CADPS: variants seen among roughly 807,000 people sequenced by gnomAD.
CADPS encodes calcium-dependent secretion activator 1.
CADPS carries 57 observed loss-of-function variants against 167.3 expected under a neutral mutation model. The observed-to-expected ratio is 0.34, with a 90% confidence interval of 0.28 to 0.42. The LOEUF (loss-of-function observed/expected upper bound fraction) is 0.42, where lower values mean the gene tolerates loss of function less well. Among genes scored for constraint, CADPS ranks in the 20% least tolerant of loss-of-function variants. The probability of loss-of-function intolerance (pLI) is 1.00; values close to 1 mark genes in which losing one functional copy is unlikely to be tolerated. For missense variants in CADPS, 1,414 were observed against 1,738.1 expected (o/e 0.81, Z 3.32); for synonymous variants, 676 against 635.3 (o/e 1.06, Z -0.96).
At chr3:62,530,414 G>C (rs2073378656) in intron 13 of CADPS, among the ~76,000 whole-genome samples, 1 of 152,126 alleles carries the variant, frequency 6.6e-6, no homozygotes, top group Admixed American at 6.5e-5. Context: ...TGCTCAATTA[G>C]TCTTTTCAAT....
rs1390300938 is a variant in CADPS at position 62,710,201 on chromosome 3, T to C, written c.888+43240A>G. Among the ~76,000 whole-genome samples, 7 of 152,112 alleles carry C rather than the reference T, an allele frequency of 4.6e-5. No homozygotes were observed. The East Asian group carries it at 1.3e-3, about 29-fold the overall frequency. ...TAGCACTGAAATCTCCGTGAACTTGTTGACTGAGTGAATGATTCCATCTCA... is the reference window on the plus strand; with the variant it reads ...TAGCACTGAAATCTCCGTGAACTTGCTGACTGAGTGAATGATTCCATCTCA... On this transcript the variant is annotated intron_variant, in intron 3 of 29. Coordinates refer to ENST00000383710, the MANE Select transcript of CADPS (RefSeq NM_003716.4).
intron 28 of CADPS, among the ~76,000 whole-genome samples, chr3:62,419,055 T>G (rs755969877): frequency 1.3e-5 from 2 of 152,192 alleles, no homozygotes; most frequent in Non-Finnish European, 2.9e-5. Flanking sequence ...AAAATTTTTG[T>G]AGCAAACATC....
rs1056608257 is a variant in CADPS, at chr3:62,465,549, C to T, written c.3553-99G>A. On this transcript the variant is annotated intron_variant, in intron 25 of 29. Coordinates refer to ENST00000383710, the MANE Select transcript of CADPS (RefSeq NM_003716.4). The surrounding 1 kb of genome is among the most constrained non-coding windows in gnomAD (Gnocchi z 4.1). ...CACCACATAAAGGCTGGGATCGAGCCCTCCGTTCATTTCTGCAGTCTATTA... is the reference window on the plus strand; with the variant it reads ...CACCACATAAAGGCTGGGATCGAGCTCTCCGTTCATTTCTGCAGTCTATTA... 4 of 748,192 alleles carry T rather than the reference C, an allele frequency of 5.3e-6. No individual in the cohort carries two copies. The highest frequency in any genetic ancestry group is 6.5e-6 in the Non-Finnish European group (3 of 459,726). The allele number at this position is 748,192 out of a possible 1,614,324, so 46.3% of individuals were successfully genotyped here.
intron 28 of CADPS, among the ~76,000 whole-genome samples, chr3:62,408,966 T>C (rs758383364): frequency 6.6e-6 from 1 of 152,250 alleles, no homozygotes; most frequent in Non-Finnish European, 1.5e-5. Context: ...TACACCCATA[T>C]GCACTCACGT....
chr3:62,856,307 T>C (rs1283582117), intron 1 of CADPS, among the ~76,000 whole-genome samples: 1 of 152,170 alleles, frequency 6.6e-6, no homozygotes, highest in African/African-American at 2.4e-5. Context: ...AGGCCATGTA[T>C]GTTGAAAACT....
intron 9 of CADPS, among the ~76,000 whole-genome samples, chr3:62,559,581 G>A (rs947175472): frequency 6.6e-6 from 1 of 151,862 alleles, no homozygotes; most frequent in Non-Finnish European, 1.5e-5. Context: ...GGCAACCTCC[G>A]CTTCCTGGGT....
intron 9 of CADPS, among the ~76,000 whole-genome samples, chr3:62,562,752 TGG>T (rs1288358420): frequency 6.6e-6 from 1 of 152,196 alleles, no homozygotes; most frequent in Non-Finnish European, 1.5e-5. Context: ...GTGGTTTGTG[TGG>T]GAGTAACTGC....
intron 17 of CADPS, 76 bp downstream of exon 17, chr3:62,512,675 C>A: frequency 1.8e-6 from 2 of 1,126,154 alleles, no homozygotes; most frequent in South Asian, 3.0e-5. Flanking sequence ...CTTAAGGAGC[C>A]ATTGAAAAAC....
At chr3:62,617,889 C>T (rs1173928058) in intron 6 of CADPS, among the ~76,000 whole-genome samples, 1 of 152,108 alleles carries the variant, frequency 6.6e-6, no homozygotes, top group Non-Finnish European at 1.5e-5. Context: ...TTGTTTTTGC[C>T]TGCTCAACGT....
chr3:62,494,865 G>A (rs921266226), intron 18 of CADPS, among the ~76,000 whole-genome samples: 1 of 151,684 alleles, frequency 6.6e-6, no homozygotes, highest in African/African-American at 2.4e-5. Flanking sequence ...GTTGCATCAT[G>A]TTGGCCAGGC....
At chr3:62,592,584 C>G in intron 7 of CADPS, 53 bp downstream of exon 7, 1 of 1,394,846 alleles carries the variant, frequency 7.2e-7, no homozygotes, top group East Asian at 2.3e-5. Context: ...CACTGGAGAC[C>G]TAGCTGGGGA....
chr3:62,741,356 G>A (rs755089048), intron 3 of CADPS, among the ~76,000 whole-genome samples: 1 of 152,100 alleles, frequency 6.6e-6, no homozygotes, highest in Non-Finnish European at 1.5e-5. Flanking sequence ...CTTGATGAAC[G>A]TTGATGTAAA....
chr3:62,731,806 A>AAAAAAAAAAAAAAAAAAAAAAAG (rs2077902516), intron 3 of CADPS, among the ~76,000 whole-genome samples: 1 of 43,426 alleles, frequency 2.3e-5, no homozygotes, highest in Non-Finnish European at 4.2e-5. Flanking sequence ...GATCATATGC[A>AAAAAAAAAAAAAAAAAAAAAAAG]AAAAAAAAAA....
chr3:62,550,708 A>T (rs564108945), intron 10 of CADPS: 6 of 434,080 alleles, frequency 1.4e-5, no homozygotes, highest in Non-Finnish European at 2.3e-5. Context: ...TTTCTGCCTT[A>T]CAACCCCTCC....
intron 6 of CADPS, among the ~76,000 whole-genome samples, chr3:62,593,921 T>C (rs865010): frequency 0.56 from 84,883 of 152,040 alleles, 26,526 homozygotes; most frequent in Non-Finnish European, 0.69. Flanking sequence ...GGACTGTGTT[T>C]TTATGTTGCA....
At chr3:62,680,969 T>C (rs952091907) in intron 3 of CADPS, among the ~76,000 whole-genome samples, 1 of 152,030 alleles carries the variant, frequency 6.6e-6, no homozygotes, top group African/African-American at 2.4e-5. Context: ...CTGGGCTCAG[T>C]GCCCACCTTT....
At chr3:62,786,031 G>A (rs1189971230) in intron 1 of CADPS, among the ~76,000 whole-genome samples, 1 of 151,616 alleles carries the variant, frequency 6.6e-6, no homozygotes, top group Non-Finnish European at 1.5e-5. Context: ...TGGCCATCGT[G>A]GTGAAACCCC....
Position 62,797,399 on chromosome 3 carries a change from A to C in CADPS, c.442-31415T>G, listed in dbSNP as rs2093491834. On this transcript the variant is annotated intron_variant, in intron 1 of 29. Transcript: ENST00000383710. Reference sequence around the variant, plus strand: ...GTAGACGCCCATAAAATATTTAATGAATAATGAACGAATTATCCAATCAAC... The same window carrying C: ...GTAGACGCCCATAAAATATTTAATGCATAATGAACGAATTATCCAATCAAC... Among the ~76,000 whole-genome samples, 4 of 152,088 alleles carry C rather than the reference A, an allele frequency of 2.6e-5. No homozygotes were observed. The South Asian group carries it at 8.3e-4, about 31-fold the overall frequency.
intron 3 of CADPS, among the ~76,000 whole-genome samples, chr3:62,685,948 C>T (rs2151147042): frequency 6.6e-6 from 1 of 152,026 alleles, no homozygotes; most frequent in East Asian, 1.9e-4. Context: ...CTATAATTAA[C>T]AATATATTAT....
Sources: gnomAD v4.1 joint callset for allele counts (sites outside exome capture counted in the v4.1 genomes callset) on GRCh38, gnomAD v4.1.1 for gene constraint, Gnocchi (gnomAD v3.1) non-coding constraint, MANE v1.5 for transcripts, NCBI Gene and HGNC (gene_info 2026-07-23, HGNC 2026-07-21) for gene names.